Variants in SFXN2 observed in about 807,000 individuals in gnomAD.
The protein encoded by SFXN2 is sideroflexin-2.
A neutral mutation model predicts 41.9 loss-of-function variants in SFXN2; 37 were observed. The observed-to-expected ratio is 0.88, with a 90% CI of 0.68 to 1.16. The LOEUF is 1.16. Ranked by LOEUF, SFXN2 falls within the 50% of genes most tolerant of loss-of-function variation. The probability of loss-of-function intolerance (pLI) is 0.00; values close to 1 mark genes in which losing one functional copy is unlikely to be tolerated. For synonymous variants in SFXN2, 150 were observed against 156.7 expected (o/e 0.96, Z 0.32); for missense variants, 386 against 425.2 (o/e 0.91, Z 0.81).
Position 102,727,044 on chromosome 10 carries a change from G to A in SFXN2, c.219G>A (p.Leu73=). 1 of 1,609,610 alleles carries A rather than the reference G, an allele frequency of 6.2e-7. No homozygotes were observed. Among genetic ancestry groups the A allele is most frequent in the Non-Finnish European group, 8.5e-7 (1 of 1,176,306 alleles). The change falls in exon 3 of 12, where the codon CTG becomes CTA. Residue 73 remains leucine, a synonymous_variant. Transcript: ENST00000369893. ...QVEQLLYAKK[L]YDSAFHPDTG... ...AGCAGCTGCTGTATGCCAAGAAGCTGTATGACTCGGCCTTCCACCCCGACA... is the reference window on the plus strand; with the variant it reads ...AGCAGCTGCTGTATGCCAAGAAGCTATATGACTCGGCCTTCCACCCCGACA...
intron 1 of SFXN2, among the ~76,000 whole-genome samples, chr10:102,721,924 C>T (rs1239896032): frequency 1.3e-5 from 2 of 152,176 alleles, no homozygotes; most frequent in African/African-American, 4.8e-5. Flanking sequence ...CAGACCTTAA[C>T]ATTCCGCTTC....
At chr10:102,717,292 T>C (rs2064430903) in intron 1 of SFXN2, among the ~76,000 whole-genome samples, 1 of 152,076 alleles carries the variant, frequency 6.6e-6, no homozygotes, top group African/African-American at 2.4e-5. Flanking sequence ...CCACCACGCC[T>C]GGCTAATTTT....
intron 1 of SFXN2, among the ~76,000 whole-genome samples, chr10:102,721,286 G>A (rs899799384): frequency 2.0e-5 from 3 of 151,842 alleles, no homozygotes; most frequent in Admixed American, 1.3e-4. Flanking sequence ...AGGATGAGAT[G>A]GGAGGATTCC....
rs1480690069 is a variant in SFXN2, at chr10:102,735,285, C to T, written c.822-577C>T. On this transcript the variant is annotated intron_variant, in intron 10 of 11. Transcript: ENST00000369893. Reference sequence around the variant, plus strand: ...CTTCCTACTCCAAGTAGTTCCTTCCCTCCAAGTCACTCCTCCCCCTTCAAG... The same window carrying T: ...CTTCCTACTCCAAGTAGTTCCTTCCTTCCAAGTCACTCCTCCCCCTTCAAG... Among the ~76,000 whole-genome samples the T allele has an allele frequency of 2.6e-5, 4 of 151,332 alleles. No individual in the cohort carries two copies. In the East Asian group the frequency reaches 7.8e-4, roughly 30 times the overall value.
At chr10:102,735,506 C>A (rs1317307363) in intron 10 of SFXN2, among the ~76,000 whole-genome samples, 3 of 152,100 alleles carry the variant, frequency 2.0e-5, no homozygotes, top group Non-Finnish European at 4.4e-5. Context: ...GCTCCTCCCC[C>A]TCCAAGTTTC....
chr10:102,733,061 C>T (rs141356389), intron 9 of SFXN2, among the ~76,000 whole-genome samples, 153 bp downstream of exon 9: 247 of 152,228 alleles, frequency 1.6e-3, no homozygotes, highest in African/African-American at 4.9e-3. Flanking sequence ...CCACTGACCT[C>T]CTGTTTAGAT....
intron 1 of SFXN2, among the ~76,000 whole-genome samples, chr10:102,722,818 G>A (rs966857035): frequency 6.6e-6 from 1 of 152,000 alleles, no homozygotes; most frequent in Non-Finnish European, 1.5e-5. Flanking sequence ...CAAAGTGCTG[G>A]GATTATAGGT....
rs952736590 is a variant in SFXN2 at position 102,743,469 on chromosome 10, C to T, written c.*5707C>T. 3 of 152,432 alleles carry T rather than the reference C, an allele frequency of 2.0e-5. No individual in the cohort carries two copies. The highest frequency in any genetic ancestry group is 7.2e-5 in the African/African-American group (3 of 41,468). The allele number at this position is 152,432 out of a possible 1,614,324, so 9.4% of individuals were successfully genotyped here. A position where few individuals can be genotyped will look rare whatever the true frequency, so the allele number is the denominator to read the frequency against. On this transcript the variant is annotated 3_prime_UTR_variant, in exon 12 of 12. Coordinates refer to ENST00000369893, the MANE Select transcript of SFXN2 (RefSeq NM_178858.6). ...TAGTGCTGTGCTTCAAGACAAAAGA[C>T]ATTAAAATATTTTTACATTGCAATT... is the stretch of plus-strand genomic sequence containing the variant.
rs563862814 is a variant in SFXN2 at position 102,735,708 on chromosome 10, T to G, written c.822-154T>G. ...CCTGCCAGAATGAGTATCCTCGCAC[T>G]GCGGGAACAGGAGGAGGGTTGGAGG... On this transcript the variant is annotated intron_variant, in intron 10 of 11. Transcript: ENST00000369893. 4.9e-4 allele frequency among the ~76,000 whole-genome samples: 74 copies of G among 152,250 alleles called. 1 individual carries two copies. The South Asian group carries it at 0.015, about 31-fold the overall frequency.
Position 102,727,128 on chromosome 10 carries a change from C to T in SFXN2, c.303C>T (p.Ile101=), listed in dbSNP as rs1276120928. Residue 101 remains isoleucine (I), a synonymous_variant, in exon 3 of 12, where the codon ATC becomes ATT. Coordinates refer to ENST00000369893, the MANE Select transcript of SFXN2 (RefSeq NM_178858.6). ...RMSFQLPGGM[I]ITGFMLQFYR... ...CTTTCCAGCTTCCTGGCGGCATGAT[C>T]ATCACGGGCTTCATGCTCCAGTTCT... 2 of 1,605,992 alleles carry T rather than the reference C, an allele frequency of 1.2e-6. No homozygotes were observed. The highest frequency in any genetic ancestry group is 1.7e-6 in the Non-Finnish European group (2 of 1,173,290).
rs545381521 is a variant in SFXN2 at position 102,741,556 on chromosome 10, C to T, written c.*3794C>T. On this transcript the variant is annotated 3_prime_UTR_variant, in exon 12 of 12. Transcript: ENST00000369893. ...AGGTTTCCTGACTACAGGTACATGC[C>T]ACCATGCCCAGCTAATTTTTAAATT... 2 of 152,332 alleles carry T rather than the reference C, an allele frequency of 1.3e-5. No individual in the cohort carries two copies. The highest frequency in any genetic ancestry group is 4.8e-5 in the African/African-American group (2 of 41,562). The allele number at this position is 152,332 out of a possible 1,614,324, so 9.4% of individuals were successfully genotyped here.
intron 10 of SFXN2, 21 bp downstream of exon 10, chr10:102,733,624 AT>A: frequency 6.2e-7 from 1 of 1,611,654 alleles, no homozygotes; most frequent in Non-Finnish European, 8.5e-7. Context: ...TATTTTGATG[AT>A]TTGGGTTCTG....
Position 102,728,419 on chromosome 10 carries a change from C to G in SFXN2, c.333-12C>G. 4 of 1,613,692 alleles carry G rather than the reference C, an allele frequency of 2.5e-6. No individual in the cohort carries two copies. The highest frequency in any genetic ancestry group is 2.2e-5 in the South Asian group (2 of 91,072). On this transcript the variant is annotated splice_polypyrimidine_tract_variant and intron_variant, in intron 3 of 11. Coordinates refer to ENST00000369893, the MANE Select transcript of SFXN2 (RefSeq NM_178858.6). ...ACTTCTCTCTGCCTCTCCTGGCCTT[C>G]CTCACTGGTAGGACGATGCCGGCGG...
At chr10:102,718,488 G>A (rs577971448) in intron 1 of SFXN2, among the ~76,000 whole-genome samples, 2 of 152,338 alleles carry the variant, frequency 1.3e-5, no homozygotes, top group Admixed American at 1.3e-4. Flanking sequence ...TGAGATAAAT[G>A]CCTTTGGTCT....
At chr10:102,720,163 G>A (rs1006958105) in intron 1 of SFXN2, among the ~76,000 whole-genome samples, 3 of 151,886 alleles carry the variant, frequency 2.0e-5, no homozygotes, top group Non-Finnish European at 4.4e-5. Flanking sequence ...GTGGTGGCAC[G>A]CACCTGTAAT....
intron 11 of SFXN2, among the ~76,000 whole-genome samples, chr10:102,737,345 A>G (rs2064794903): frequency 6.6e-6 from 1 of 152,094 alleles, no homozygotes; most frequent in South Asian, 2.1e-4. Context: ...GCTTGAATAT[A>G]TACCCAGACA....
At chr10:102,735,949 G>T in intron 11 of SFXN2, 40 bp downstream of exon 11, 1 of 1,594,514 alleles carries the variant, frequency 6.3e-7, no homozygotes, top group Non-Finnish European at 8.6e-7. Flanking sequence ...AATTGACCAT[G>T]CTGCCAGCGC....
intron 7 of SFXN2, among the ~76,000 whole-genome samples, 166 bp downstream of exon 7, chr10:102,731,949 C>G (rs1202783827): frequency 6.6e-6 from 1 of 152,088 alleles, no homozygotes; most frequent in Non-Finnish European, 1.5e-5. Flanking sequence ...AGAACAGGCC[C>G]CTTCTCTCTT....
At chr10:102,726,584 A>C (rs761616549) in intron 1 of SFXN2, 28 bp from the exon 2 acceptor site, 218 of 1,603,992 alleles carry the variant, frequency 1.4e-4, no homozygotes, top group Non-Finnish European at 1.8e-4. Context: ...GATTTAGGGG[A>C]CAGTCATCTT....
Sources: allele counts gnomAD v4.1 joint callset (sites outside exome capture counted in the v4.1 genomes callset), GRCh38; gene constraint gnomAD v4.1.1; transcripts MANE v1.5; gene names NCBI Gene and HGNC (gene_info 2026-07-23, HGNC 2026-07-21).